The following ATP2B2 variants were observed in gnomAD, a reference collection of about 807,000 sequenced individuals.
The protein encoded by ATP2B2 is ATPase plasma membrane Ca2+ transporting 2.
ATP2B2 carries 15 observed loss-of-function variants against 120.0 expected under a neutral mutation model. The ratio of observed to expected loss-of-function variants is 0.12; its 90% CI spans 0.08 to 0.19. The LOEUF is 0.19. Ranked by LOEUF, ATP2B2 falls within the 10% of genes least tolerant of loss-of-function variation. The pLI is 1.00. For synonymous variants in ATP2B2, 694 were observed against 700.3 expected, an observed-to-expected ratio of 0.99 and a Z score of 0.14; for missense variants, 1,045 against 1,719.8, an observed-to-expected ratio of 0.61 and a Z score of 6.94.
chr3:10,617,294 G>GTA (rs1478725438), intron 2 of ATP2B2, among the ~76,000 whole-genome samples: 2 of 152,132 alleles, frequency 1.3e-5, no homozygotes, highest in Non-Finnish European at 2.9e-5. Context: ...ACTCTCAGGG[G>GTA]TATAACAATG....
intron 1 of ATP2B2, among the ~76,000 whole-genome samples, chr3:10,696,888 G>C (rs1041747140): frequency 6.6e-6 from 1 of 152,174 alleles, no homozygotes; most frequent in Non-Finnish European, 1.5e-5. Flanking sequence ...ATTAGGTCTG[G>C]TTACCTACCA....
At chr3:10,465,154 G>T (rs907026032) in intron 1 of ATP2B2, among the ~76,000 whole-genome samples, 4 of 152,230 alleles carry the variant, frequency 2.6e-5, no homozygotes, top group African/African-American at 9.7e-5. Context: ...GACTCCTTCA[G>T]CTTCTCAAGT....
chr3:10,681,595 A>G (rs2071385507), intron 1 of ATP2B2, among the ~76,000 whole-genome samples: 2 of 152,252 alleles, frequency 1.3e-5, no homozygotes, highest in Admixed American at 1.3e-4. Context: ...AGATACAAGT[A>G]TGAAAAACAG....
At chr3:10,535,071 C>T (rs1484293060) in intron 2 of ATP2B2, among the ~76,000 whole-genome samples, 2 of 151,730 alleles carry the variant, frequency 1.3e-5, no homozygotes, top group Non-Finnish European at 1.5e-5. Flanking sequence ...GCCTGACTAA[C>T]TTTTTTGTAT....
At position 10,404,305 on chromosome 3, in the gene ATP2B2, G is replaced by A. The variant is rs542763094; in HGVS notation, c.398-1957C>T. Among the ~76,000 whole-genome samples the A allele has an allele frequency of 3.9e-5, 6 of 152,360 alleles. No homozygotes were observed. In the East Asian group the frequency reaches 1.2e-3, roughly 29 times the overall value. ...CCATCTTGGGAGTTTCAGACTTCCA[G>A]TAATTTTAAACTGTTTAGCAGGACC... On this transcript the variant is annotated intron_variant, in intron 3 of 22. Transcript: ENST00000360273.
chr3:10,378,510 C>CAGG, intron 9 of ATP2B2, 100 bp from the exon 10 acceptor site: 1 of 1,510,216 alleles, frequency 6.6e-7, no homozygotes, highest in Non-Finnish European at 9.0e-7. Flanking sequence ...CCCTGCCTGC[C>CAGG]CAGGGTAGGT....
chr3:10,451,467 G>A (rs1024204897), intron 1 of ATP2B2, among the ~76,000 whole-genome samples: 11 of 152,192 alleles, frequency 7.2e-5, no homozygotes, highest in Admixed American at 3.9e-4. Flanking sequence ...CCAGTTTACT[G>A]AGAACTAATT....
At chr3:10,665,850 GAA>G (rs2070916711) in intron 1 of ATP2B2, among the ~76,000 whole-genome samples, 1 of 152,088 alleles carries the variant, frequency 6.6e-6, no homozygotes, top group South Asian at 2.1e-4. Context: ...ATCACAGAAG[GAA>G]AAAGAGACCA....
intron 2 of ATP2B2, among the ~76,000 whole-genome samples, chr3:10,424,683 T>C (rs2063093000): frequency 6.6e-6 from 1 of 152,236 alleles, no homozygotes; most frequent in African/African-American, 2.4e-5. Context: ...CGGTGGTACA[T>C]CTATTCCAAA....
intron 2 of ATP2B2, among the ~76,000 whole-genome samples, chr3:10,424,868 T>C (rs1306696607): frequency 6.6e-6 from 1 of 152,196 alleles, no homozygotes; most frequent in African/African-American, 2.4e-5. Flanking sequence ...TTTATGACTA[T>C]ATATATGTAA....
At chr3:10,705,865 CTG>C (rs1448947806) in intron 1 of ATP2B2, among the ~76,000 whole-genome samples, 1 of 152,164 alleles carries the variant, frequency 6.6e-6, no homozygotes, top group Non-Finnish European at 1.5e-5. Flanking sequence ...CTCTGTGGTC[CTG>C]GTATTTTTAT....
chr3:10,393,081 T>A (rs769935176), intron 5 of ATP2B2, among the ~76,000 whole-genome samples: 1 of 151,472 alleles, frequency 6.6e-6, no homozygotes, highest in Non-Finnish European at 1.5e-5. Flanking sequence ...CTGAGAGAGG[T>A]CCCCCTGTGG....
At chr3:10,619,912 C>G (rs2069499629) in intron 2 of ATP2B2, 1 of 152,316 alleles carries the variant, frequency 6.6e-6, no homozygotes, top group Non-Finnish European at 1.5e-5. Flanking sequence ...GGCTCTCACA[C>G]TCACCGTCTG....
rs184903890 is a variant in ATP2B2, at chr3:10,545,626, G to C, written c.-414-11493C>G. On this transcript the variant is annotated intron_variant, in intron 2 of 21. Transcript: ENST00000646379. ...GCAAAGAAATGGTCTGTTTCCTCTG[G>C]GATTGGACAGAAATTTGCAAAATTG... 6.7e-3 allele frequency among the ~76,000 whole-genome samples: 1,023 copies of C among 152,244 alleles called. 4 individuals carry two copies. The highest frequency in any genetic ancestry group is 9.1e-3 in the Non-Finnish European group (621 of 68,014).
intron 22 of ATP2B2, among the ~76,000 whole-genome samples, chr3:10,337,765 G>T (rs1317566910): frequency 2.0e-5 from 3 of 152,030 alleles, no homozygotes; most frequent in African/African-American, 7.2e-5. Flanking sequence ...ACCACGCCCT[G>T]GGGGACCCTG....
intron 8 of ATP2B2, among the ~76,000 whole-genome samples, chr3:10,383,568 C>T (rs1042021998): frequency 3.3e-5 from 5 of 152,208 alleles, no homozygotes; most frequent in Non-Finnish European, 7.3e-5. Flanking sequence ...CACTTTAGAG[C>T]CAGCCAGGTC....
At chr3:10,446,678 C>T (rs34866) in intron 2 of ATP2B2, among the ~76,000 whole-genome samples, 101,374 of 151,960 alleles carry the variant, frequency 0.67, 37,047 homozygotes, top group Non-Finnish European at 0.82. Flanking sequence ...CTGGGAGATG[C>T]TTCTAGGGAC....
intron 14 of ATP2B2, 36 bp from the exon 15 acceptor site, chr3:10,350,613 C>G (rs765281587): frequency 6.3e-7 from 1 of 1,599,548 alleles, no homozygotes; most frequent in South Asian, 1.1e-5. Context: ...GGGAGGGCAC[C>G]ACCTCAGGCA....
intron 22 of ATP2B2, among the ~76,000 whole-genome samples, chr3:10,332,897 T>C (rs2060018566): frequency 6.6e-6 from 1 of 151,754 alleles, no homozygotes; most frequent in Non-Finnish European, 1.5e-5. Flanking sequence ...TGAGTGGGGC[T>C]CAGGTATAAG....
Sources: allele counts gnomAD v4.1 joint callset (sites outside exome capture counted in the v4.1 genomes callset), GRCh38; gene constraint gnomAD v4.1.1; transcripts MANE v1.5; gene names NCBI Gene and HGNC (gene_info 2026-07-23, HGNC 2026-07-21).